The following KAT6B variants were observed in gnomAD, a reference collection of about 807,000 sequenced individuals.
KAT6B encodes the protein histone acetyltransferase KAT6B.
Under a neutral mutation model 187.5 loss-of-function variants are expected in KAT6B, and 10 were observed. The observed-to-expected ratio is 0.05, with a 90% CI of 0.03 to 0.09. The LOEUF is 0.09. KAT6B is among the 10% of genes least tolerant of loss of function. KAT6B has a pLI of 1.00. For synonymous variants in KAT6B, 861 were observed against 926.8 expected (o/e 0.93, Z 1.29); for missense variants, 1,952 against 2,558.9 (o/e 0.76, Z 5.12).
intron 3 of KAT6B, among the ~76,000 whole-genome samples, chr10:74,942,418 T>C (rs1172018513): frequency 6.6e-6 from 1 of 152,058 alleles, no homozygotes; most frequent in Non-Finnish European, 1.5e-5. Flanking sequence ...TATAAACTCT[T>C]AGCAAACTAG....
At chr10:74,901,103 A>G (rs1354441342) in intron 3 of KAT6B, among the ~76,000 whole-genome samples, 4 of 152,310 alleles carry the variant, frequency 2.6e-5, no homozygotes, top group Middle Eastern at 3.4e-3. Flanking sequence ...TGTGATCACC[A>G]TGACCCTCTA....
chr10:74,840,812 CTG>C (rs1441919064), intron 2 of KAT6B, among the ~76,000 whole-genome samples: 3 of 152,166 alleles, frequency 2.0e-5, no homozygotes, highest in Non-Finnish European at 4.4e-5. Flanking sequence ...GCATTTAAAA[CTG>C]TACTGTTTGA....
chr10:74,906,795 G>A (rs997323724), intron 3 of KAT6B, among the ~76,000 whole-genome samples: 7 of 152,094 alleles, frequency 4.6e-5, no homozygotes, highest in African/African-American at 1.2e-4. Flanking sequence ...ACCCCTTTCC[G>A]GCTAAATTTA....
intron 4 of KAT6B, among the ~76,000 whole-genome samples, chr10:74,961,452 T>C (rs1448350121): frequency 6.6e-6 from 1 of 152,250 alleles, no homozygotes; most frequent in Non-Finnish European, 1.5e-5. Context: ...CTTTAGGATC[T>C]ATTTGTCTGG....
intron 3 of KAT6B, among the ~76,000 whole-genome samples, chr10:74,908,181 A>G (rs1359013384): frequency 6.6e-6 from 1 of 152,190 alleles, no homozygotes; most frequent in Non-Finnish European, 1.5e-5. Context: ...CTACCATGAG[A>G]TTCTGCAGAT....
At chr10:74,876,539 G>A (rs1275375755) in intron 3 of KAT6B, among the ~76,000 whole-genome samples, 3 of 152,178 alleles carry the variant, frequency 2.0e-5, no homozygotes, top group African/African-American at 7.2e-5. Flanking sequence ...ACAAAATTAA[G>A]CCAGTCAGAA....
chr10:74,844,703 A>G (rs985736552), intron 3 of KAT6B, among the ~76,000 whole-genome samples: 1 of 152,152 alleles, frequency 6.6e-6, no homozygotes, highest in Admixed American at 6.5e-5. Context: ...TTCTCCTTAC[A>G]TTACTGCTAC....
At chr10:74,974,897 CAAATTTATAGCCATATCCA>C (rs1285267072) in intron 7 of KAT6B, among the ~76,000 whole-genome samples, 1 of 152,050 alleles carries the variant, frequency 6.6e-6, no homozygotes, top group Non-Finnish European at 1.5e-5. Context: ...AAAAAAAGTA[CAAATTTATAGCCATATCCA>C]AACTCTATTT....
In KAT6B at chr10:74,988,631, A is replaced by G. The variant is rs549131550; in HGVS notation, c.2536-388A>G. On this transcript the variant is annotated intron_variant, in intron 12 of 17. Coordinates refer to ENST00000287239, the MANE Select transcript of KAT6B (RefSeq NM_012330.4). ...GTAGATTATTATTATATTTAGCAAGATAGCCAGCTAAATCCTAACTTACTC... is the reference window on the plus strand; with the variant it reads ...GTAGATTATTATTATATTTAGCAAGGTAGCCAGCTAAATCCTAACTTACTC... Among the ~76,000 whole-genome samples, 19 of 152,342 alleles carry G rather than the reference A, an allele frequency of 1.2e-4. No individual in the cohort carries two copies. The South Asian group carries it at 3.1e-3, about 25-fold the overall frequency.
intron 12 of KAT6B, among the ~76,000 whole-genome samples, chr10:74,988,455 G>C (rs1247131018): frequency 6.6e-6 from 1 of 152,092 alleles, no homozygotes; most frequent in Non-Finnish European, 1.5e-5. Flanking sequence ...TTGTTTTCCT[G>C]GTTTGAAATG....
At position 75,022,151 on chromosome 10, in the gene KAT6B, GAA is replaced by G. The variant is rs760809877; in HGVS notation, c.3293_3294del (p.Glu1098GlyfsTer38). 10 of 1,497,470 alleles carry G rather than the reference GAA, an allele frequency of 6.7e-6. No individual in the cohort carries two copies. Among genetic ancestry groups the G allele is most frequent in the Admixed American group, 3.9e-5 (2 of 50,660 alleles). 92.8% of individuals were successfully genotyped at this position (1,497,470 alleles called of 1,614,324 possible). A position where few individuals can be genotyped will look rare whatever the true frequency, so the allele number is the denominator to read the frequency against. ...GGATGAAGAGGAGGAAGAAGAGGAA[GAA>G]GAAGAAGAAGAAGAAGAAAATATTC... ...EEDEEEEEEEEEEEEEENIQS... is the reference protein window; with the variant it reads ...EEDEEEEEEEXEEEEEENIQS... On this transcript the variant is annotated frameshift_variant, in exon 16 of 18. Transcript: ENST00000287239. LOFTEE classifies it high-confidence loss of function.
chr10:74,933,393 T>C (rs981446706), intron 3 of KAT6B, among the ~76,000 whole-genome samples: 4 of 152,208 alleles, frequency 2.6e-5, no homozygotes, highest in African/African-American at 4.8e-5. Context: ...TAGGTCACCG[T>C]TGATTTTTGC....
At chr10:75,028,301 G>A (rs777131584) in intron 17 of KAT6B, among the ~76,000 whole-genome samples, 188 bp from the exon 18 acceptor site, 10 of 152,070 alleles carry the variant, frequency 6.6e-5, no homozygotes, top group Non-Finnish European at 1.3e-4. Flanking sequence ...CCAGGCCTAG[G>A]TTATTTACTT....
At chr10:74,912,243 C>T (rs147853342) in intron 3 of KAT6B, among the ~76,000 whole-genome samples, 161 of 152,138 alleles carry the variant, frequency 1.1e-3, no homozygotes, top group African/African-American at 3.8e-3. Context: ...CAAGTTCAGT[C>T]TGCAAATATC....
Position 74,838,724 on chromosome 10 carries a change from C to G in KAT6B, c.-287C>G, listed in dbSNP as rs1841497100. On this transcript the variant is annotated 5_prime_UTR_variant, in exon 2 of 18. Coordinates refer to ENST00000287239, the MANE Select transcript of KAT6B (RefSeq NM_012330.4). Reference sequence around the variant, plus strand: ...GGATAATCTCCATTTTTGTCATGGACTGTTAAAACGTTTGAAGTTCCAATT... The same window carrying G: ...GGATAATCTCCATTTTTGTCATGGAGTGTTAAAACGTTTGAAGTTCCAATT... The G allele has an allele frequency of 6.6e-6, 1 of 152,162 alleles. No individual in the cohort carries two copies. The highest frequency in any genetic ancestry group is 2.4e-5 in the African/African-American group (1 of 41,426). The allele number at this position is 152,162 out of a possible 1,614,324, so 9.4% of individuals were successfully genotyped here. A position where few individuals can be genotyped will look rare whatever the true frequency, so the allele number is the denominator to read the frequency against.
chr10:74,977,987 T>C lies in KAT6B; in HGVS notation c.2115+550T>C, dbSNP rs75766961. Reference sequence around the variant, plus strand: ...TGCTTAAGTTATTACCACCCAGATATTGACAGGTGAGGCTGTCAGACTTCT... The same window carrying C: ...TGCTTAAGTTATTACCACCCAGATACTGACAGGTGAGGCTGTCAGACTTCT... On this transcript the variant is annotated intron_variant, in intron 9 of 17. Coordinates refer to ENST00000287239, the MANE Select transcript of KAT6B (RefSeq NM_012330.4). 1.8e-4 allele frequency among the ~76,000 whole-genome samples: 27 copies of C among 152,352 alleles called. No individual in the cohort carries two copies. In the East Asian group the frequency reaches 5.2e-3, roughly 29 times the overall value.
At chr10:74,958,667 C>T (rs1021834535) in intron 3 of KAT6B, among the ~76,000 whole-genome samples, 1 of 152,060 alleles carries the variant, frequency 6.6e-6, no homozygotes, top group Admixed American at 6.6e-5. Flanking sequence ...TAGATTTATA[C>T]ATTGTTAAAA....
intron 3 of KAT6B, among the ~76,000 whole-genome samples, chr10:74,946,492 A>G (rs372828298): frequency 2.0e-5 from 3 of 152,368 alleles, no homozygotes. Flanking sequence ...ATGCTAATCA[A>G]TTATAGAGAG....
intron 3 of KAT6B, among the ~76,000 whole-genome samples, chr10:74,871,353 C>T (rs1340738422): frequency 2.0e-5 from 3 of 151,082 alleles, no homozygotes; most frequent in African/African-American, 2.4e-5. Context: ...CCGTCATACC[C>T]GGCTGATTTT....
Sources: gnomAD v4.1 joint callset for allele counts (sites outside exome capture counted in the v4.1 genomes callset) on GRCh38, gnomAD v4.1.1 for gene constraint, MANE v1.5 for transcripts, NCBI Gene and HGNC (gene_info 2026-07-23, HGNC 2026-07-21) for gene names.